The following CFAP74 variants were observed in gnomAD, a reference collection of about 807,000 sequenced individuals.
CFAP74 encodes cilia and flagella associated protein 74, also known as cilia- and flagella-associated protein 74.
CFAP74 carries 124 observed loss-of-function variants against 188.9 expected under a neutral mutation model. The ratio of observed to expected loss-of-function variants is 0.66; its 90% CI spans 0.57 to 0.76. CFAP74 has a LOEUF of 0.76. CFAP74 is among the 30% of genes least tolerant of loss of function. CFAP74 has a pLI of 0.00. For synonymous variants in CFAP74, 956 were observed against 916.7 expected (o/e 1.04, Z -0.77); for missense variants, 2,198 against 2,165.2 (o/e 1.02, Z -0.30).
At position 1,971,386 on chromosome 1, in the gene CFAP74, CA is replaced by C. The variant is rs1453388438; in HGVS notation, c.889-571del. Among the ~76,000 whole-genome samples the C allele has an allele frequency of 2.4e-3, 371 of 152,052 alleles. 1 individual carries two copies. The highest frequency in any genetic ancestry group is 8.3e-3 in the African/African-American group (343 of 41,444). Reference sequence around the variant, plus strand: ...GCACACACACGGTCACACATGCACACACGTGCACACACGGTCACACATGCAC... The same window carrying C: ...GCACACACACGGTCACACATGCACACCGTGCACACACGGTCACACATGCAC... On this transcript the variant is annotated intron_variant, in intron 9 of 38. Transcript: ENST00000682832.
chr1:1,972,175 G>T, intron 8 of CFAP74, 93 bp from the exon 9 acceptor site: 1 of 922,378 alleles, frequency 1.1e-6, no homozygotes, highest in East Asian at 2.4e-5. Flanking sequence ...CGACCTCCCA[G>T]GCTCAAGTGA....
At chr1:1,939,336 AG>A (rs1653193344) in intron 24 of CFAP74, among the ~76,000 whole-genome samples, 1 of 152,224 alleles carries the variant, frequency 6.6e-6, no homozygotes, top group Non-Finnish European at 1.5e-5. Flanking sequence ...TGGCCCCAGC[AG>A]GGGAAAGTTT....
chr1:1,972,205 C>T, intron 8 of CFAP74, 123 bp from the exon 9 acceptor site: 1 of 736,158 alleles, frequency 1.4e-6, no homozygotes, highest in Non-Finnish European at 2.4e-6. Context: ...CTCAGCCTCC[C>T]AAAGCGCTGG....
At chr1:1,940,505 G>A (rs186821152) in intron 22 of CFAP74, 102 bp from the exon 23 acceptor site, 53 of 798,158 alleles carry the variant, frequency 6.6e-5, no homozygotes, top group African/African-American at 4.0e-4. Flanking sequence ...TGAGAGCTAC[G>A]GCGTCTCTGG....
chr1:1,925,526 G>C (rs899836796), intron 33 of CFAP74, among the ~76,000 whole-genome samples: 8 of 152,086 alleles, frequency 5.3e-5, no homozygotes, highest in Non-Finnish European at 1.2e-4. Flanking sequence ...GAGGAGGAGG[G>C]ACAAAGAGCG....
At chr1:1,932,291 G>A (rs1455090314) in intron 25 of CFAP74, among the ~76,000 whole-genome samples, 1 of 151,092 alleles carries the variant, frequency 6.6e-6, no homozygotes, top group Non-Finnish European at 1.5e-5. Flanking sequence ...CAGCTATTTG[G>A]GAGGCTGAGG....
rs16824588 is a variant in CFAP74 at position 1,968,793 on chromosome 1, T to C, written c.1087A>G (p.Ile363Val). ...GCCTCCTCTTTCAGAATCCGACTGA[T>C]GATCTCCTGCTTTCTGAGCTTCTGC... ...EEQKLRKQEI[I>V]SRILKEEAEE... The change falls in exon 11 of 39, where the codon ATC becomes GTC. Residue 363 changes from isoleucine to valine, a missense_variant. Physicochemically the swap from Ile to Val is conservative, Grantham distance 29. Coordinates refer to ENST00000682832, the MANE Select transcript of CFAP74 (RefSeq NM_001304360.2). The surrounding 1 kb of genome is among the most constrained non-coding windows in gnomAD (Gnocchi z 4.3). 0.43 allele frequency: 700,206 copies of C among 1,613,426 alleles called. 153,725 individuals carry two copies. Among genetic ancestry groups the C allele is most frequent in the Middle Eastern group, 0.51 (3,079 of 6,060 alleles).
chr1:1,945,870 CGT>C (rs1427367126), intron 20 of CFAP74, among the ~76,000 whole-genome samples: 2 of 141,722 alleles, frequency 1.4e-5, no homozygotes, highest in Non-Finnish European at 3.1e-5. Flanking sequence ...CGTGTGTGCA[CGT>C]GTGTGTGTGG....
chr1:1,923,311 C>G lies in CFAP74; in HGVS notation c.4522+56G>C, dbSNP rs946537012. On this transcript the variant is annotated intron_variant, in intron 36 of 38. Coordinates refer to ENST00000682832, the MANE Select transcript of CFAP74 (RefSeq NM_001304360.2). The surrounding 1 kb of genome is among the most constrained non-coding windows in gnomAD (Gnocchi z 6.3). ...CGCTGGGTCTCGGGGCCCCCATCCACGGGACAGGGGCACCGGGAGGCCCCG... is the reference window on the plus strand; with the variant it reads ...CGCTGGGTCTCGGGGCCCCCATCCAGGGGACAGGGGCACCGGGAGGCCCCG... The G allele has an allele frequency of 6.6e-7, 1 of 1,519,502 alleles. No homozygotes were observed. Among genetic ancestry groups the G allele is most frequent in the Admixed American group, 2.1e-5 (1 of 47,498 alleles). The allele number at this position is 1,519,502 out of a possible 1,614,324, so 94.1% of individuals were successfully genotyped here.
Position 1,944,326 on chromosome 1 carries a change from C to T in CFAP74, c.2486+5G>A, listed in dbSNP as rs1423477660. The T allele has an allele frequency of 1.3e-6, 2 of 1,534,780 alleles. No homozygotes were observed. The highest frequency in any genetic ancestry group is 1.7e-6 in the Non-Finnish European group (2 of 1,146,608). ...CCCCGTGTGCATGGACAGGAGGGGG[C>T]TCACCGCGTGTGCACGAGCACAGAG... On this transcript the variant is annotated splice_donor_5th_base_variant and intron_variant, in intron 21 of 38. Coordinates refer to ENST00000682832, the MANE Select transcript of CFAP74 (RefSeq NM_001304360.2).
rs376585199 is a variant in CFAP74 at position 1,970,829 on chromosome 1, G to C, written c.889-13C>G. On this transcript the variant is annotated splice_polypyrimidine_tract_variant and intron_variant, in intron 9 of 38. Coordinates refer to ENST00000682832, the MANE Select transcript of CFAP74 (RefSeq NM_001304360.2). ...TCCGCAGTGTGTCCTTGGAAACAGA[G>C]AGCACTGAGATGACAGCAGCAGCAC... The C allele has an allele frequency of 1.6e-5, 26 of 1,613,134 alleles. No homozygotes were observed. Among genetic ancestry groups the C allele is most frequent in the Non-Finnish European group, 2.1e-5 (25 of 1,179,468 alleles).
rs1158276519 is a variant in CFAP74 at position 1,942,257 on chromosome 1, C to G, written c.2487-101G>C. ...AAAACATTTCTGGCACCCAAGCCCCCGAGAGGTGCTCAGAGCCCACCCACT... is the reference window on the plus strand; with the variant it reads ...AAAACATTTCTGGCACCCAAGCCCCGGAGAGGTGCTCAGAGCCCACCCACT... On this transcript the variant is annotated intron_variant, in intron 21 of 38. Coordinates refer to ENST00000682832, the MANE Select transcript of CFAP74 (RefSeq NM_001304360.2). This position sits in a 1 kb window ranked among gnomAD's most constrained non-coding sequence, Gnocchi z 4.3. 60 of 1,233,356 alleles carry G rather than the reference C, an allele frequency of 4.9e-5. No individual in the cohort carries two copies. The highest frequency in any genetic ancestry group is 6.0e-5 in the Non-Finnish European group (57 of 943,498). The allele number at this position is 1,233,356 out of a possible 1,614,324, so 76.4% of individuals were successfully genotyped here. A position where few individuals can be genotyped will look rare whatever the true frequency, so the allele number is the denominator to read the frequency against.
rs527769925 is a variant in CFAP74, at chr1:1,991,317, T to C, written c.-19-342A>G. Reference sequence around the variant, plus strand: ...GTGGTGAGGCTACAGTGAGCTGTGATGGCACCACTGCACTCCAGCCTGGGC... The same window carrying C: ...GTGGTGAGGCTACAGTGAGCTGTGACGGCACCACTGCACTCCAGCCTGGGC... On this transcript the variant is annotated intron_variant, in intron 1 of 38. Transcript: ENST00000682832. 2.6e-5 allele frequency among the ~76,000 whole-genome samples: 4 copies of C among 152,326 alleles called. No homozygotes were observed. The East Asian group carries it at 7.7e-4, about 29-fold the overall frequency.
At chr1:1,988,450 C>T (rs886140933) in intron 4 of CFAP74, 62 bp downstream of exon 4, 7 of 1,594,212 alleles carry the variant, frequency 4.4e-6, no homozygotes, top group Non-Finnish European at 5.1e-6. Flanking sequence ...CCCTGCTGCA[C>T]CCATGTCACG....
In CFAP74 at chr1:1,947,058, G is replaced by A; in HGVS notation, c.2177-4C>T. On this transcript the variant is annotated splice_region_variant and splice_polypyrimidine_tract_variant and intron_variant, in intron 18 of 38. Transcript: ENST00000682832. ...ACTGTGGTTAATCTCTCTGGTTCTG[G>A]AAGAGAAGGGGGATCCAGAGGTGAG... 6.5e-7 allele frequency: 1 copy of A among 1,534,912 alleles called. No homozygotes were observed. Among genetic ancestry groups the A allele is most frequent in the Non-Finnish European group, 8.7e-7 (1 of 1,145,788 alleles).
At chr1:1,953,299 T>G (rs1297876226) in intron 18 of CFAP74, 2 of 112,248 alleles carry the variant, frequency 1.8e-5, no homozygotes, top group Non-Finnish European at 3.2e-5. Flanking sequence ...TGACTTGCTT[T>G]TTTTTTTTTT....
chr1:1,937,588 G>A (rs574611343), intron 25 of CFAP74, among the ~76,000 whole-genome samples: 2 of 152,118 alleles, frequency 1.3e-5, no homozygotes, highest in Non-Finnish European at 2.9e-5. Context: ...GGCTCACATC[G>A]GAAACAAAAG....
chr1:1,954,068 G>A (rs997507010), intron 18 of CFAP74: 5 of 152,266 alleles, frequency 3.3e-5, no homozygotes, highest in African/African-American at 1.2e-4. Flanking sequence ...CACCAAAGAA[G>A]ATACAACTTG....
At chr1:1,971,380 T>A (rs1301309172) in intron 9 of CFAP74, among the ~76,000 whole-genome samples, 2 of 150,012 alleles carry the variant, frequency 1.3e-5, no homozygotes, top group Non-Finnish European at 3.0e-5. Flanking sequence ...CGGTCACACA[T>A]GCACACACGT....
Sources: gnomAD v4.1 joint callset for allele counts (sites outside exome capture counted in the v4.1 genomes callset) on GRCh38, gnomAD v4.1.1 for gene constraint, Gnocchi (gnomAD v3.1) non-coding constraint, MANE v1.5 for transcripts, NCBI Gene and HGNC (gene_info 2026-07-23, HGNC 2026-07-21) for gene names.